TANK: variants seen among roughly 807,000 people sequenced by gnomAD.
TANK encodes the protein TRAF family member associated NFKB activator, also known as TRAF family member-associated NF-kappa-B activator.
In TANK, 15 loss-of-function variants were observed where a neutral mutation model predicts 43.6. That is an observed-to-expected ratio of 0.34 (90% CI 0.23 to 0.53). TANK has a LOEUF of 0.53. Among genes scored for constraint, TANK ranks in the 20% least tolerant of loss-of-function variants. TANK has a pLI of 0.94. For synonymous variants in TANK, 162 were observed against 178.2 expected (o/e 0.91, Z 0.73); for missense variants, 417 against 498.6 (o/e 0.84, Z 1.56).
intron 1 of TANK, among the ~76,000 whole-genome samples, chr2:161,176,751 G>T (rs781054711): frequency 2.6e-5 from 4 of 152,122 alleles, no homozygotes; most frequent in Non-Finnish European, 5.9e-5. Flanking sequence ...CTAAGGGTCA[G>T]TCAGTAATAG....
intron 5 of TANK, among the ~76,000 whole-genome samples, chr2:161,224,220 G>A (rs1383539383): frequency 6.6e-6 from 1 of 151,916 alleles, no homozygotes; most frequent in Non-Finnish European, 1.5e-5. Flanking sequence ...TATTTCAATA[G>A]ACCAAGTGTT....
At chr2:161,178,626 A>C (rs533894937) in intron 1 of TANK, among the ~76,000 whole-genome samples, 28 of 152,256 alleles carry the variant, frequency 1.8e-4, no homozygotes, top group African/African-American at 6.5e-4. Context: ...AAAATACCAA[A>C]GTGTACACTT....
At chr2:161,221,034 A>G (rs1351077697) in intron 4 of TANK, among the ~76,000 whole-genome samples, 14 of 152,186 alleles carry the variant, frequency 9.2e-5, no homozygotes. Flanking sequence ...AAATTCTCCC[A>G]ATTCACATAG....
rs368470120 is a variant in TANK at position 161,203,613 on chromosome 2, T to G, written c.208+18T>G. On this transcript the variant is annotated intron_variant, in intron 3 of 7. Coordinates refer to ENST00000392749, the MANE Select transcript of TANK (RefSeq NM_001199135.3). The stretch of plus-strand genomic sequence containing the variant: ...CACTCAAGGTATGTTCATGTTAATT[T>G]TTTATGTATTTCTAGAACCTCTTGG... The G allele has an allele frequency of 1.1e-5, 16 of 1,518,140 alleles. No homozygotes were observed. In the African/African-American group the frequency reaches 2.1e-4, roughly 20 times the overall value. 94.0% of individuals were successfully genotyped at this position (1,518,140 alleles called of 1,614,324 possible). A position where few individuals can be genotyped will look rare whatever the true frequency, so the allele number is the denominator to read the frequency against.
At chr2:161,204,211 A>G (rs1293456514) in intron 3 of TANK, among the ~76,000 whole-genome samples, 1 of 152,224 alleles carries the variant, frequency 6.6e-6, no homozygotes, top group Non-Finnish European at 1.5e-5. Context: ...GATAGAATAT[A>G]TAAACCAAAA....
chr2:161,187,066 A>G (rs1558983096), intron 2 of TANK, among the ~76,000 whole-genome samples: 1 of 152,236 alleles, frequency 6.6e-6, no homozygotes, highest in Non-Finnish European at 1.5e-5. Flanking sequence ...ACACTCATAC[A>G]GTTGTTAATA....
At chr2:161,177,780 A>G (rs1279150379) in intron 1 of TANK, among the ~76,000 whole-genome samples, 2 of 152,134 alleles carry the variant, frequency 1.3e-5, no homozygotes, top group Admixed American at 6.6e-5. Context: ...CATATATTGG[A>G]TAAGAGTCTA....
intron 1 of TANK, among the ~76,000 whole-genome samples, chr2:161,146,449 A>G (rs1223421476): frequency 6.6e-6 from 1 of 152,072 alleles, no homozygotes; most frequent in African/African-American, 2.4e-5. Flanking sequence ...CATCTTCACA[A>G]GTTTGTCTAG....
At chr2:161,178,837 A>G (rs1453456868) in intron 1 of TANK, among the ~76,000 whole-genome samples, 1 of 152,164 alleles carries the variant, frequency 6.6e-6, no homozygotes, top group Non-Finnish European at 1.5e-5. Context: ...TTAGAGAATT[A>G]AGAGAAAGGT....
chr2:161,234,637 G>A (rs990622658), intron 7 of TANK, among the ~76,000 whole-genome samples: 9 of 152,160 alleles, frequency 5.9e-5, no homozygotes, highest in African/African-American at 9.7e-5. Flanking sequence ...AACTATTGAC[G>A]AGTTTCACTT....
intron 1 of TANK, among the ~76,000 whole-genome samples, chr2:161,172,895 T>C (rs565707603): frequency 8.5e-5 from 13 of 152,286 alleles, no homozygotes; most frequent in African/African-American, 2.6e-4. Flanking sequence ...CCTCATCTTT[T>C]ACCTAGAATA....
At chr2:161,220,460 G>A (rs537709504) in intron 4 of TANK, among the ~76,000 whole-genome samples, 4 of 151,998 alleles carry the variant, frequency 2.6e-5, no homozygotes, top group Non-Finnish European at 5.9e-5. Flanking sequence ...AAAATTACTC[G>A]GGCATGGTGG....
intron 2 of TANK, among the ~76,000 whole-genome samples, chr2:161,187,460 T>C (rs75613846): frequency 0.022 from 3,369 of 151,932 alleles, 54 homozygotes; most frequent in Middle Eastern, 0.058. Context: ...CAAAAACTAC[T>C]ACAAGAGACA....
chr2:161,140,452 T>C (rs1390010162), intron 1 of TANK, among the ~76,000 whole-genome samples: 1 of 152,146 alleles, frequency 6.6e-6, no homozygotes, highest in Non-Finnish European at 1.5e-5. Flanking sequence ...CCCTTTTTCA[T>C]GATGCATTTT....
chr2:161,179,832 A>C (rs1354164743), intron 2 of TANK, 71 bp downstream of exon 2: 3 of 1,519,996 alleles, frequency 2.0e-6, no homozygotes, highest in African/African-American at 2.8e-5. Context: ...TTGCATCTGA[A>C]AAATGTTATA....
intron 2 of TANK, among the ~76,000 whole-genome samples, chr2:161,181,802 T>C (rs866720261): frequency 6.6e-6 from 1 of 152,010 alleles, no homozygotes; most frequent in Non-Finnish European, 1.5e-5. Flanking sequence ...ACCACATCAC[T>C]AGCCAAGGGA....
intron 4 of TANK, chr2:161,216,295 C>T (rs1166522176): frequency 7.5e-5 from 32 of 427,648 alleles, no homozygotes; most frequent in South Asian, 4.4e-4. Context: ...GTCTGCTAGA[C>T]GGCCAAATGG....
chr2:161,212,877 A>G, intron 4 of TANK: 2 of 699,530 alleles, frequency 2.9e-6, no homozygotes, highest in Non-Finnish European at 3.5e-6. Flanking sequence ...GGGGATTTAT[A>G]AAGAAAAAAG....
At chr2:161,231,690 C>A (rs1465741610) in intron 7 of TANK, 139 bp downstream of exon 7, 6 of 750,504 alleles carry the variant, frequency 8.0e-6, no homozygotes, top group Non-Finnish European at 1.3e-5. Flanking sequence ...TTCAAAAAAA[C>A]AAGTCCCATA....
Sources: gnomAD v4.1 joint callset for allele counts (sites outside exome capture counted in the v4.1 genomes callset) on GRCh38, gnomAD v4.1.1 for gene constraint, MANE v1.5 for transcripts, NCBI Gene and HGNC (gene_info 2026-07-23, HGNC 2026-07-21) for gene names.